LGR6: variants seen among roughly 807,000 people sequenced by gnomAD.
LGR6 encodes the protein leucine rich repeat containing G protein-coupled receptor 6, also known as leucine-rich repeat-containing G protein-coupled receptor 6.
In LGR6, 45 loss-of-function variants were observed where a neutral mutation model predicts 69.4. That is an observed-to-expected ratio of 0.65 (90% CI 0.51 to 0.83). The LOEUF (loss-of-function observed/expected upper bound fraction) is 0.83, where lower values mean the gene tolerates loss of function less well. Ranked by LOEUF, LGR6 falls within the 40% of genes least tolerant of loss-of-function variation. The probability of loss-of-function intolerance (pLI) is 0.00; values close to 1 mark genes in which losing one functional copy is unlikely to be tolerated. For missense variants in LGR6, 1,108 were observed against 1,246.7 expected (o/e 0.89, Z 1.68); for synonymous variants, 538 against 555.0 (o/e 0.97, Z 0.43).
chr1:202,290,406 C>G (rs575387195), intron 6 of LGR6, among the ~76,000 whole-genome samples: 1 of 152,356 alleles, frequency 6.6e-6, no homozygotes, highest in South Asian at 2.1e-4. Flanking sequence ...CATTTATCCT[C>G]TCTCCCTAAA....
At chr1:202,280,661 C>A in intron 5 of LGR6, 120 bp from the exon 6 acceptor site, 1 of 882,658 alleles carries the variant, frequency 1.1e-6, no homozygotes, top group Non-Finnish European at 1.9e-6. Context: ...ACGGATGGAC[C>A]ATTAGGGTCA....
intron 4 of LGR6, among the ~76,000 whole-genome samples, chr1:202,267,440 CTT>C (rs536331093): frequency 2.6e-3 from 389 of 152,292 alleles, no homozygotes; most frequent in Non-Finnish European, 4.1e-3. Context: ...GGAGTGTACT[CTT>C]TAACTGAGAA....
chr1:202,299,639 A>AT (rs1236571035), intron 7 of LGR6, among the ~76,000 whole-genome samples: 2 of 152,146 alleles, frequency 1.3e-5, no homozygotes, highest in East Asian at 3.9e-4. Context: ...GAAAAACATA[A>AT]TGAGCAGATG....
At chr1:202,216,639 G>A (rs1419077380) in intron 1 of LGR6, among the ~76,000 whole-genome samples, 1 of 152,116 alleles carries the variant, frequency 6.6e-6, no homozygotes, top group Non-Finnish European at 1.5e-5. Context: ...GTAGTAGAGA[G>A]CAGAGGGGGC....
chr1:202,297,113 G>T (rs960438253), intron 6 of LGR6, among the ~76,000 whole-genome samples: 3 of 152,152 alleles, frequency 2.0e-5, no homozygotes, highest in African/African-American at 7.2e-5. Flanking sequence ...GTCACCTGAG[G>T]AACCTTCTGG....
rs201767946 is a variant in LGR6 at position 202,303,370 on chromosome 1, C to T, written c.998+23C>T. On this transcript the variant is annotated intron_variant, in intron 10 of 17. Coordinates refer to ENST00000367278, the MANE Select transcript of LGR6 (RefSeq NM_001017403.2). ...CCTGTGAGTGGCTTCTCTCTCCCTA[C>T]CTTATCTATCGCCCCAGCTTCATTC... 1.9e-4 allele frequency: 304 copies of T among 1,586,278 alleles called. No individual in the cohort carries two copies. The African/African-American group carries it at 3.8e-3, about 20-fold the overall frequency.
chr1:202,319,385 C>T lies in LGR6; in HGVS notation c.*178C>T. On this transcript the variant is annotated 3_prime_UTR_variant, in exon 18 of 18. Transcript: ENST00000367278. ...CTGTGACCATCACCAACGGGTGCCT[C>T]TTGGCCTGGCTTTCCCTTGGCCTTC... 1 of 602,376 alleles carries T rather than the reference C, an allele frequency of 1.7e-6. No individual in the cohort carries two copies. The highest frequency in any genetic ancestry group is 2.7e-6 in the Non-Finnish European group (1 of 371,570). The allele number at this position is 602,376 out of a possible 1,614,324, so 37.3% of individuals were successfully genotyped here.
chr1:202,252,057 A>C (rs927356597), intron 4 of LGR6, among the ~76,000 whole-genome samples: 1 of 152,014 alleles, frequency 6.6e-6, no homozygotes, highest in African/African-American at 2.4e-5. Context: ...CAAGTCATCA[A>C]ATGACACCAC....
chr1:202,208,860 G>A (rs1353505967), intron 1 of LGR6, among the ~76,000 whole-genome samples: 3 of 152,118 alleles, frequency 2.0e-5, no homozygotes, highest in Non-Finnish European at 2.9e-5. Flanking sequence ...GCTAACCCCT[G>A]GAACCCTAGC....
chr1:202,283,772 G>T (rs892250487), intron 6 of LGR6, among the ~76,000 whole-genome samples: 1 of 152,194 alleles, frequency 6.6e-6, no homozygotes, highest in African/African-American at 2.4e-5. Flanking sequence ...CTCACTCCAC[G>T]TAGGCAGCCC....
chr1:202,262,935 C>CTTTTATTTTA lies in LGR6; in HGVS notation c.429-13334_429-13325dup, dbSNP rs58749601. On this transcript the variant is annotated intron_variant, in intron 4 of 17. Coordinates refer to ENST00000367278, the MANE Select transcript of LGR6 (RefSeq NM_001017403.2). The stretch of plus-strand genomic sequence containing the variant: ...ACTTCAATTTGTCTTTGAAACTTGC[C>CTTTTATTTTA]TTTTATTTTATTTTATTTTATTTTA... Among the ~76,000 whole-genome samples the CTTTTATTTTA allele has an allele frequency of 5.5e-3, 814 of 146,942 alleles. 8 individuals carry two copies. The highest frequency in any genetic ancestry group is 0.014 in the African/African-American group (558 of 39,546).
intron 5 of LGR6, 129 bp from the exon 6 acceptor site, chr1:202,280,652 C>A: frequency 1.2e-6 from 1 of 839,996 alleles, no homozygotes; most frequent in South Asian, 1.4e-5. Flanking sequence ...TGGAAACAAA[C>A]GGATGGACCA....
At chr1:202,278,169 G>A (rs1002813774) in intron 5 of LGR6, among the ~76,000 whole-genome samples, 3 of 151,688 alleles carry the variant, frequency 2.0e-5, no homozygotes, top group Admixed American at 6.6e-5. Flanking sequence ...GATTGGAACC[G>A]AGGCAGACTG....
chr1:202,258,212 C>A (rs1052699917), intron 4 of LGR6, among the ~76,000 whole-genome samples: 1 of 151,638 alleles, frequency 6.6e-6, no homozygotes, highest in South Asian at 2.1e-4. Flanking sequence ...AATTTCTTTG[C>A]GGATTTTTAT....
intron 16 of LGR6, among the ~76,000 whole-genome samples, chr1:202,311,697 A>G (rs1403757839): frequency 6.6e-6 from 1 of 152,250 alleles, no homozygotes; most frequent in East Asian, 1.9e-4. Flanking sequence ...AATGAGAAAG[A>G]TAATGGATAG....
At chr1:202,278,569 A>C (rs1571951520) in intron 5 of LGR6, among the ~76,000 whole-genome samples, 1 of 152,134 alleles carries the variant, frequency 6.6e-6, no homozygotes, top group Non-Finnish European at 1.5e-5. Context: ...ACCTGCCTCC[A>C]ACTCATGGGA....
intron 4 of LGR6, among the ~76,000 whole-genome samples, chr1:202,260,553 C>T (rs978819441): frequency 2.0e-4 from 31 of 152,134 alleles, no homozygotes; most frequent in African/African-American, 6.3e-4. Context: ...AGGCTGGTCT[C>T]GAACTCCTGA....
At chr1:202,314,659 A>C (rs1654003237) in intron 16 of LGR6, 143 bp from the exon 17 acceptor site, 1 of 646,872 alleles carries the variant, frequency 1.5e-6, no homozygotes, top group Non-Finnish European at 2.9e-6. Flanking sequence ...CCAAGGGTAG[A>C]AATGGATGTG....
intron 4 of LGR6, among the ~76,000 whole-genome samples, chr1:202,260,978 T>C (rs1462392927): frequency 1.3e-5 from 2 of 152,126 alleles, no homozygotes; most frequent in Non-Finnish European, 2.9e-5. Flanking sequence ...ACAACTGAAA[T>C]GTTTGCCAGA....
Sources: gnomAD v4.1 joint callset for allele counts (sites outside exome capture counted in the v4.1 genomes callset) on GRCh38, gnomAD v4.1.1 for gene constraint, MANE v1.5 for transcripts, NCBI Gene and HGNC (gene_info 2026-07-23, HGNC 2026-07-21) for gene names.